The following APP variants were observed in gnomAD, a reference collection of about 807,000 sequenced individuals.
The protein encoded by APP is amyloid beta precursor protein, also known as amyloid-beta precursor protein.
APP carries 31 observed loss-of-function variants against 101.4 expected under a neutral mutation model. That is an observed-to-expected ratio of 0.31 (90% CI 0.23 to 0.41). The LOEUF (loss-of-function observed/expected upper bound fraction) is 0.41, where lower values mean the gene tolerates loss of function less well. Among genes scored for constraint, APP ranks in the 10% least tolerant of loss-of-function variants. The pLI is 1.00. For synonymous variants in APP, 366 were observed against 364.4 expected, an observed-to-expected ratio of 1.00 and a Z score of -0.05; for missense variants, 839 against 1,003.7, an observed-to-expected ratio of 0.84 and a Z score of 2.22.
At chr21:25,917,125 G>A (rs1038772523) in intron 13 of APP, among the ~76,000 whole-genome samples, 2 of 152,100 alleles carry the variant, frequency 1.3e-5, no homozygotes, top group African/African-American at 4.8e-5. Flanking sequence ...GCCGTGCATG[G>A]TGGCGGACGC....
At chr21:25,900,405 AAAAATT>A (rs1386313663) in intron 15 of APP, among the ~76,000 whole-genome samples, 3 of 142,444 alleles carry the variant, frequency 2.1e-5, no homozygotes, top group Non-Finnish European at 3.0e-5. Context: ...AAAAAAAAAA[AAAAATT>A]AGCCAGGTGT....
chr21:26,136,532 T>C (rs1010245032), intron 1 of APP, among the ~76,000 whole-genome samples: 2 of 152,184 alleles, frequency 1.3e-5, no homozygotes, highest in Admixed American at 6.5e-5. Context: ...TTTACACCTC[T>C]AGAATTCATC....
intron 4 of APP, among the ~76,000 whole-genome samples, chr21:26,051,802 A>G (rs902967716): frequency 6.6e-6 from 1 of 152,230 alleles, no homozygotes; most frequent in Non-Finnish European, 1.5e-5. Flanking sequence ...AGATTAGCAT[A>G]AAGTTCTGAG....
At chr21:26,119,574 G>A (rs1568997832) in intron 1 of APP, among the ~76,000 whole-genome samples, 2 of 152,130 alleles carry the variant, frequency 1.3e-5, no homozygotes, top group South Asian at 2.1e-4. Flanking sequence ...TATTTAATGT[G>A]TATTTTCTAG....
intron 15 of APP, among the ~76,000 whole-genome samples, chr21:25,899,185 A>G (rs1314539147): frequency 6.6e-6 from 1 of 152,156 alleles, no homozygotes; most frequent in Non-Finnish European, 1.5e-5. Flanking sequence ...TCCTATCCCT[A>G]CCTTCCCAGC....
intron 5 of APP, among the ~76,000 whole-genome samples, chr21:26,044,183 T>C (rs1010239486): frequency 5.3e-5 from 8 of 152,220 alleles, no homozygotes; most frequent in Non-Finnish European, 1.0e-4. Context: ...TCCCAGCTAC[T>C]TGGGATGTTG....
chr21:25,990,019 C>A (rs1284848907), intron 8 of APP, among the ~76,000 whole-genome samples: 3 of 151,972 alleles, frequency 2.0e-5, no homozygotes. Context: ...ACCATTAAGT[C>A]CAAGATAGAG....
chr21:25,963,355 T>C (rs1022190278), intron 11 of APP, among the ~76,000 whole-genome samples: 2 of 152,172 alleles, frequency 1.3e-5, no homozygotes, highest in Non-Finnish European at 2.9e-5. Flanking sequence ...TTATGCTTGA[T>C]CTAGAAATCT....
chr21:26,058,496 T>C (rs1015627483), intron 3 of APP, among the ~76,000 whole-genome samples: 9 of 152,238 alleles, frequency 5.9e-5, no homozygotes, highest in African/African-American at 2.2e-4. Context: ...AAGTATATTT[T>C]TCGATTTCTT....
intron 9 of APP, among the ~76,000 whole-genome samples, chr21:25,979,027 A>G (rs1448368447): frequency 6.6e-6 from 1 of 152,164 alleles, no homozygotes; most frequent in Admixed American, 6.5e-5. Context: ...GCATATACTA[A>G]AAGTAGTAAG....
intron 8 of APP, among the ~76,000 whole-genome samples, chr21:25,991,316 A>AAAAAAT (rs1268452067): frequency 6.6e-6 from 1 of 152,216 alleles, no homozygotes; most frequent in Non-Finnish European, 1.5e-5. Context: ...GCTATTGGAA[A>AAAAAAT]AAAAATAAAA....
At chr21:25,946,961 T>A (rs962660030) in intron 13 of APP, among the ~76,000 whole-genome samples, 2 of 152,190 alleles carry the variant, frequency 1.3e-5, no homozygotes, top group African/African-American at 4.8e-5. Context: ...AATATTTTTT[T>A]AAAAAAGGAA....
At chr21:25,944,190 T>A (rs2040705717) in intron 13 of APP, among the ~76,000 whole-genome samples, 1 of 152,234 alleles carries the variant, frequency 6.6e-6, no homozygotes, top group African/African-American at 2.4e-5. Context: ...TTAAACAGGC[T>A]TTTTTAAACG....
chr21:25,901,598 A>G (rs1046686045), intron 15 of APP, among the ~76,000 whole-genome samples: 1 of 152,212 alleles, frequency 6.6e-6, no homozygotes, highest in Non-Finnish European at 1.5e-5. Context: ...ACATAGGGAA[A>G]TATTCATAAT....
chr21:25,929,844 G>A (rs2040065673), intron 13 of APP, among the ~76,000 whole-genome samples: 3 of 152,142 alleles, frequency 2.0e-5, no homozygotes, highest in Admixed American at 6.5e-5. Flanking sequence ...TAATCTCCTG[G>A]AGCCTTCAGT....
intron 8 of APP, 123 bp from the exon 9 acceptor site, chr21:25,982,600 G>A (rs1479883115): frequency 1.5e-5 from 14 of 923,242 alleles, no homozygotes; most frequent in Non-Finnish European, 8.3e-6. Context: ...GTAAAGCAGC[G>A]CATACAAGAC....
intron 12 of APP, 54 bp downstream of exon 12, chr21:25,955,573 A>T (rs1468280409): frequency 6.2e-7 from 1 of 1,613,386 alleles, no homozygotes; most frequent in East Asian, 2.2e-5. Flanking sequence ...CAACCCAAGA[A>T]GCAAGAATCC....
intron 3 of APP, among the ~76,000 whole-genome samples, chr21:26,081,632 T>A (rs2061601421): frequency 6.6e-6 from 1 of 152,194 alleles, no homozygotes; most frequent in Admixed American, 6.5e-5. Flanking sequence ...AGGGGATGGT[T>A]TAGCTTGGGC....
intron 1 of APP, among the ~76,000 whole-genome samples, chr21:26,155,366 T>C (rs1434232061): frequency 6.6e-6 from 1 of 152,252 alleles, no homozygotes; most frequent in Non-Finnish European, 1.5e-5. Flanking sequence ...AGCTTTTATA[T>C]TGACCCCCTG....
Sources: allele counts gnomAD v4.1 joint callset (sites outside exome capture counted in the v4.1 genomes callset), GRCh38; gene constraint gnomAD v4.1.1; transcripts MANE v1.5; gene names NCBI Gene and HGNC (gene_info 2026-07-23, HGNC 2026-07-21).